PDZRN4: variants seen among roughly 807,000 people sequenced by gnomAD.
The protein encoded by PDZRN4 is PDZ domain containing ring finger 4.
Under a neutral mutation model 99.0 loss-of-function variants are expected in PDZRN4, and 70 were observed. The ratio of observed to expected loss-of-function variants is 0.71; its 90% CI spans 0.58 to 0.86. The LOEUF is 0.86. Among genes scored for constraint, PDZRN4 ranks in the 40% least tolerant of loss-of-function variants. The pLI is 0.00. For missense variants in PDZRN4, 1,474 were observed against 1,331.2 expected, an observed-to-expected ratio of 1.11 and a Z score of -1.67; for synonymous variants, 551 against 501.6, an observed-to-expected ratio of 1.10 and a Z score of -1.32.
chr12:41,514,268 T>C (rs1434107856), intron 5 of PDZRN4, among the ~76,000 whole-genome samples: 1 of 152,066 alleles, frequency 6.6e-6, no homozygotes. Flanking sequence ...AAGGCATAAG[T>C]AAATCCTTGT....
intron 3 of PDZRN4, among the ~76,000 whole-genome samples, chr12:41,206,546 T>C (rs940493658): frequency 6.9e-6 from 1 of 144,836 alleles, no homozygotes; most frequent in African/African-American, 2.8e-5. Flanking sequence ...ATTAATAAAT[T>C]AATAAATTAA....
intron 3 of PDZRN4, among the ~76,000 whole-genome samples, chr12:41,365,370 T>G (rs1377286175): frequency 2.0e-5 from 3 of 151,860 alleles, no homozygotes; most frequent in Admixed American, 6.6e-5. Context: ...TAATGTGTGT[T>G]TTTTTTTAAA....
chr12:41,223,031 AG>A (rs894226755), intron 3 of PDZRN4, among the ~76,000 whole-genome samples: 2 of 152,178 alleles, frequency 1.3e-5, no homozygotes, highest in African/African-American at 4.8e-5. Flanking sequence ...TTGGTGCAAA[AG>A]TAATTGCCGT....
At chr12:41,250,048 GT>G (rs1232624513) in intron 3 of PDZRN4, among the ~76,000 whole-genome samples, 1 of 152,148 alleles carries the variant, frequency 6.6e-6, no homozygotes, top group Non-Finnish European at 1.5e-5. Flanking sequence ...TGTCTAGATG[GT>G]ACAGACAACT....
At chr12:41,331,076 G>A (rs557921614) in intron 3 of PDZRN4, among the ~76,000 whole-genome samples, 126 of 152,038 alleles carry the variant, frequency 8.3e-4, no homozygotes, top group Non-Finnish European at 1.5e-3. Context: ...GACTAACATC[G>A]CAAATTGCAA....
chr12:41,284,617 G>C (rs1029611631), intron 3 of PDZRN4, among the ~76,000 whole-genome samples: 6 of 152,126 alleles, frequency 3.9e-5, no homozygotes, highest in Non-Finnish European at 8.8e-5. Context: ...ACATTACAAG[G>C]CTACAGTAAC....
At chr12:41,341,272 C>T (rs144062511) in intron 3 of PDZRN4, among the ~76,000 whole-genome samples, 43 of 151,630 alleles carry the variant, frequency 2.8e-4, no homozygotes, top group African/African-American at 1.0e-3. Flanking sequence ...ATGGGGAAAA[C>T]CTGAAACCTC....
At chr12:41,210,392 G>A (rs536845995) in intron 3 of PDZRN4, among the ~76,000 whole-genome samples, 9 of 151,684 alleles carry the variant, frequency 5.9e-5, no homozygotes, top group Non-Finnish European at 1.2e-4. Flanking sequence ...TTGGTCAATG[G>A]CAAGTTTTCT....
At chr12:41,376,700 T>C (rs1175276907) in intron 3 of PDZRN4, among the ~76,000 whole-genome samples, 1 of 152,120 alleles carries the variant, frequency 6.6e-6, no homozygotes, top group Non-Finnish European at 1.5e-5. Flanking sequence ...TTTGTTGATG[T>C]TTTTTTCGTT....
intron 3 of PDZRN4, among the ~76,000 whole-genome samples, chr12:41,253,851 G>C (rs994703457): frequency 6.6e-6 from 1 of 152,028 alleles, no homozygotes; most frequent in African/African-American, 2.4e-5. Context: ...GATGAAACTG[G>C]AGTCCATTTG....
chr12:41,342,212 A>C (rs1749475697), intron 3 of PDZRN4, among the ~76,000 whole-genome samples: 1 of 151,918 alleles, frequency 6.6e-6, no homozygotes, highest in Non-Finnish European at 1.5e-5. Flanking sequence ...AATGGGATTA[A>C]AGACTCAAAT....
intron 5 of PDZRN4, among the ~76,000 whole-genome samples, chr12:41,536,026 T>C (rs747542573): frequency 6.2e-4 from 94 of 152,334 alleles, no homozygotes; most frequent in Admixed American, 7.2e-4. Context: ...CCCAGCTTCA[T>C]TCTCGTGGTC....
chr12:41,556,268 G>T (rs940456683), intron 7 of PDZRN4, among the ~76,000 whole-genome samples: 1 of 152,220 alleles, frequency 6.6e-6, no homozygotes, highest in African/African-American at 2.4e-5. Context: ...AAGTCTAGAA[G>T]TTTGAAGGTG....
chr12:41,200,115 T>C (rs1475354918), intron 3 of PDZRN4, among the ~76,000 whole-genome samples: 1 of 152,164 alleles, frequency 6.6e-6, no homozygotes, highest in Non-Finnish European at 1.5e-5. Context: ...CTCCTAGAAG[T>C]TAGTTTAATT....
intron 3 of PDZRN4, among the ~76,000 whole-genome samples, chr12:41,335,910 A>T (rs1951770325): frequency 6.6e-6 from 1 of 152,152 alleles, no homozygotes. Flanking sequence ...TAACTATAAA[A>T]GGTCAGTGCA....
At chr12:41,217,291 A>C (rs113583006) in intron 3 of PDZRN4, among the ~76,000 whole-genome samples, 3,639 of 152,078 alleles carry the variant, frequency 0.024, 103 homozygotes, top group African/African-American at 0.071. Flanking sequence ...GATTACTGGG[A>C]AGCTACACAG....
intron 3 of PDZRN4, among the ~76,000 whole-genome samples, chr12:41,425,938 G>T (rs938329713): frequency 2.0e-5 from 3 of 152,110 alleles, no homozygotes. Context: ...TAGACACCAA[G>T]TTCAACCTGT....
chr12:41,544,309 A>G (rs575266937), intron 5 of PDZRN4, among the ~76,000 whole-genome samples: 1 of 152,246 alleles, frequency 6.6e-6, no homozygotes, highest in Non-Finnish European at 1.5e-5. Flanking sequence ...AGACTGGGTC[A>G]CATCTATTGT....
At chr12:41,403,668 A>G (rs1952321103) in intron 3 of PDZRN4, among the ~76,000 whole-genome samples, 1 of 152,188 alleles carries the variant, frequency 6.6e-6, no homozygotes, top group African/African-American at 2.4e-5. Flanking sequence ...TTACATTTCA[A>G]TTAGAACAAT....
Sources: allele counts gnomAD v4.1 joint callset (sites outside exome capture counted in the v4.1 genomes callset), GRCh38; gene constraint gnomAD v4.1.1; transcripts MANE v1.5; gene names NCBI Gene and HGNC (gene_info 2026-07-23, HGNC 2026-07-21).